FAM81B: variants seen among roughly 807,000 people sequenced by gnomAD.
FAM81B encodes family with sequence similarity 81 member B, also known as protein FAM81B.
Under a neutral mutation model 58.7 loss-of-function variants are expected in FAM81B, and 60 were observed. The ratio of observed to expected loss-of-function variants is 1.02; its 90% CI spans 0.83 to 1.27. The LOEUF (loss-of-function observed/expected upper bound fraction) is 1.27. Among genes scored for constraint, FAM81B ranks in the 50% most tolerant of loss-of-function variants. The pLI, the probability that FAM81B is intolerant of heterozygous loss-of-function variation, is 0.00. For synonymous variants in FAM81B, 189 were observed against 179.6 expected (o/e 1.05, Z -0.42); for missense variants, 491 against 522.0 (o/e 0.94, Z 0.58).
intron 3 of FAM81B, among the ~76,000 whole-genome samples, chr5:95,413,566 ACTCACACCTTGGAAAACT>A (rs1355634743): frequency 6.6e-6 from 1 of 152,124 alleles, no homozygotes; most frequent in Non-Finnish European, 1.5e-5. Context: ...CTATTCCAGG[ACTCACACCTTGGAAAACT>A]CTCTAACACA....
chr5:95,434,721 A>T (rs555684380), intron 6 of FAM81B, among the ~76,000 whole-genome samples: 23 of 152,304 alleles, frequency 1.5e-4, no homozygotes, highest in African/African-American at 5.1e-4. Flanking sequence ...TGAATGATTC[A>T]CTTACATTGC....
intron 3 of FAM81B, 114 bp downstream of exon 3, chr5:95,396,289 C>A: frequency 1.3e-6 from 1 of 747,884 alleles, no homozygotes; most frequent in Non-Finnish European, 2.1e-6. Context: ...GATGAATGTA[C>A]CTGAATGAAA....
chr5:95,410,827 C>A (rs1292354510), intron 3 of FAM81B: 1 of 152,090 alleles, frequency 6.6e-6, no homozygotes, highest in Non-Finnish European at 1.5e-5. Flanking sequence ...GGAAAACATC[C>A]TAGGCTAAGT....
At chr5:95,445,862 G>A (rs1468861641) in intron 7 of FAM81B, among the ~76,000 whole-genome samples, 1 of 152,090 alleles carries the variant, frequency 6.6e-6, no homozygotes, top group Non-Finnish European at 1.5e-5. Flanking sequence ...GCTAGACAAT[G>A]CAGGTCCTCT....
At chr5:95,395,172 G>A (rs1009833939) in intron 2 of FAM81B, among the ~76,000 whole-genome samples, 1 of 152,026 alleles carries the variant, frequency 6.6e-6, no homozygotes, top group South Asian at 2.1e-4. Context: ...GGGCGCTGTG[G>A]CTCACGCCTG....
intron 6 of FAM81B, among the ~76,000 whole-genome samples, chr5:95,436,290 A>C (rs1206715954): frequency 6.6e-6 from 1 of 152,222 alleles, no homozygotes; most frequent in East Asian, 1.9e-4. Flanking sequence ...TCAGAATACT[A>C]TCTGGAAATC....
chr5:95,410,743 C>G (rs965070036), intron 3 of FAM81B: 3 of 152,154 alleles, frequency 2.0e-5, no homozygotes, highest in Non-Finnish European at 4.4e-5. Context: ...GCCAAATCTC[C>G]TTTTCCTTAA....
intron 4 of FAM81B, among the ~76,000 whole-genome samples, chr5:95,419,524 T>A (rs996744751): frequency 6.6e-6 from 1 of 152,280 alleles, no homozygotes; most frequent in Non-Finnish European, 1.5e-5. Flanking sequence ...AGAATTTTTT[T>A]AAATTTTTTA....
chr5:95,392,862 C>T lies in FAM81B; in HGVS notation c.193C>T (p.Pro65Ser). 1 of 1,611,980 alleles carries T rather than the reference C, an allele frequency of 6.2e-7. No individual in the cohort carries two copies. ...GGAACAGCCAGTTGAACCTGATGGC[C>T]CCCTTCCTGGCTCAGACAATAACCA... ...AEEQPVEPDG[P>S]LPGSDNNQEK... The change falls in exon 2 of 10, where the codon CCC becomes TCC. Residue 65 changes from proline (P) to serine (S), a missense_variant. Coordinates refer to ENST00000283357, the MANE Select transcript of FAM81B (RefSeq NM_152548.3).
At chr5:95,395,997 T>C in intron 2 of FAM81B, 114 bp from the exon 3 acceptor site, 1 of 749,222 alleles carries the variant, frequency 1.3e-6, no homozygotes, top group Non-Finnish European at 2.2e-6. Context: ...GAGCTGATTA[T>C]CTGGTCTATG....
chr5:95,409,069 G>T (rs1016232358), intron 3 of FAM81B, among the ~76,000 whole-genome samples: 1 of 152,192 alleles, frequency 6.6e-6, no homozygotes, highest in African/African-American at 2.4e-5. Context: ...CCATTAAAAA[G>T]TTCACATTGA....
intron 6 of FAM81B, among the ~76,000 whole-genome samples, chr5:95,436,439 T>C (rs1032045871): frequency 6.6e-6 from 1 of 152,200 alleles, no homozygotes; most frequent in Non-Finnish European, 1.5e-5. Context: ...ATATCTTGTA[T>C]TGTAACGGGA....
intron 8 of FAM81B, among the ~76,000 whole-genome samples, chr5:95,447,135 A>G (rs2152771119): frequency 6.6e-6 from 1 of 152,230 alleles, no homozygotes; most frequent in Middle Eastern, 3.4e-3. Context: ...CAGACCATGT[A>G]AAGACAGCCC....
intron 7 of FAM81B, among the ~76,000 whole-genome samples, chr5:95,444,497 G>C (rs551894736): frequency 1.3e-5 from 2 of 152,276 alleles, no homozygotes; most frequent in South Asian, 2.1e-4. Context: ...ATTCCAGATA[G>C]AGAAAATAAT....
Position 95,436,841 on chromosome 5 carries a change from G to A in FAM81B, c.828G>A (p.Glu276=). 1.2e-6 allele frequency: 2 copies of A among 1,614,070 alleles called. No homozygotes were observed. Among genetic ancestry groups the A allele is most frequent in the Non-Finnish European group, 1.7e-6 (2 of 1,179,944 alleles). ...GAAAGATAGAAACTGCCAGTTCTGA[G>A]CAAACCTCGAATTTAAAGATGGTCC... is the stretch of plus-strand genomic sequence containing the variant. ...LLGKIETASS[E]QTSNLKMVQG... The change falls in exon 7 of 10, where the codon GAG becomes GAA. Residue 276 remains glutamate (E), a synonymous_variant. Transcript: ENST00000283357.
At chr5:95,442,900 G>C (rs1409893407) in intron 7 of FAM81B, among the ~76,000 whole-genome samples, 1 of 152,118 alleles carries the variant, frequency 6.6e-6, no homozygotes, top group Non-Finnish European at 1.5e-5. Flanking sequence ...TCTGTCTTAA[G>C]CTCTTTTTCA....
rs940280828 is a variant in FAM81B at position 95,446,394 on chromosome 5, G to C, written c.894-168G>C. On this transcript the variant is annotated intron_variant, in intron 7 of 9. Coordinates refer to ENST00000283357, the MANE Select transcript of FAM81B (RefSeq NM_152548.3). ...CTGGACTGAACTCAAGCTCAGGACA[G>C]GAACCCAGAGTGTACTTACCTTGCC... Among the ~76,000 whole-genome samples the C allele has an allele frequency of 6.2e-4, 94 of 152,140 alleles. 1 individual carries two copies. Among genetic ancestry groups the C allele is most frequent in the Admixed American group, 6.1e-3 (93 of 15,274 alleles).
chr5:95,417,666 C>A (rs570121994), intron 4 of FAM81B, among the ~76,000 whole-genome samples: 2 of 152,220 alleles, frequency 1.3e-5, no homozygotes, highest in South Asian at 4.2e-4. Context: ...TAACAATCAG[C>A]AATCAGTTCT....
rs533288754 is a variant in FAM81B, at chr5:95,414,041, G to C, written c.388G>C (p.Glu130Gln). 9.3e-6 allele frequency: 15 copies of C among 1,614,024 alleles called. No homozygotes were observed. The highest frequency in any genetic ancestry group is 1.6e-4 in the Middle Eastern group (1 of 6,062). Reference protein sequence around the residue: ...NQARTIAFLLEQAFRIKEDIS... With the variant: ...NQARTIAFLLQQAFRIKEDIS... Reference sequence around the variant, plus strand: ...GGCGCGTACCATAGCTTTCCTTCTTGAACAAGCCTTCCGCATCAAGGAGGA... The same window carrying C: ...GGCGCGTACCATAGCTTTCCTTCTTCAACAAGCCTTCCGCATCAAGGAGGA... The change falls in exon 4 of 10, where the codon GAA becomes CAA. Residue 130 changes from glutamate to glutamine, a missense_variant. Physicochemically the swap from Glu to Gln is conservative, Grantham distance 29. Transcript: ENST00000283357.
Sources: gnomAD v4.1 joint callset for allele counts (sites outside exome capture counted in the v4.1 genomes callset) on GRCh38, gnomAD v4.1.1 for gene constraint, MANE v1.5 for transcripts, NCBI Gene and HGNC (gene_info 2026-07-23, HGNC 2026-07-21) for gene names.